SLC9B1: variants seen among roughly 807,000 people sequenced by gnomAD.
The protein encoded by SLC9B1 is solute carrier family 9 member B1.
SLC9B1 carries 32 observed loss-of-function variants against 51.7 expected under a neutral mutation model. The ratio of observed to expected loss-of-function variants is 0.62; its 90% CI spans 0.47 to 0.83. SLC9B1 has a LOEUF of 0.83. SLC9B1 is among the 40% of genes least tolerant of loss of function. SLC9B1 has a pLI of 0.00. For synonymous variants in SLC9B1, 145 were observed against 212.7 expected (o/e 0.68, Z 2.77); for missense variants, 406 against 613.2 (o/e 0.66, Z 3.57).
intron 1 of SLC9B1, among the ~76,000 whole-genome samples, chr4:103,000,364 C>T (rs940904137): frequency 1.3e-5 from 2 of 152,188 alleles, no homozygotes; most frequent in African/African-American, 4.8e-5. Flanking sequence ...TTTTCAAAAC[C>T]AATCATGCCT....
At chr4:102,905,783 T>G (rs780178633) in intron 10 of SLC9B1, 133 bp from the exon 11 acceptor site, 2 of 772,892 alleles carry the variant, frequency 2.6e-6, no homozygotes, top group Non-Finnish European at 4.2e-6. Flanking sequence ...ATTTTTTACA[T>G]AAAAACAATG....
At chr4:102,945,606 TAATA>T (rs1001743890) in intron 5 of SLC9B1, among the ~76,000 whole-genome samples, 8 of 152,106 alleles carry the variant, frequency 5.3e-5, no homozygotes, top group Non-Finnish European at 2.9e-5. Context: ...TGAACTTTCC[TAATA>T]AATAGTATAA....
chr4:103,014,137 T>C (rs1741207671), intron 1 of SLC9B1, among the ~76,000 whole-genome samples: 1 of 152,186 alleles, frequency 6.6e-6, no homozygotes, highest in South Asian at 2.1e-4. Context: ...CTGCCTACCT[T>C]CTCATTCATC....
chr4:102,995,711 A>T (rs930941963), intron 1 of SLC9B1, among the ~76,000 whole-genome samples: 1 of 152,178 alleles, frequency 6.6e-6, no homozygotes, highest in Non-Finnish European at 1.5e-5. Context: ...TTGAGTTGAG[A>T]AAGAAATGTA....
In SLC9B1 at chr4:102,992,849, A is replaced by G. The variant is rs191292424; in HGVS notation, c.-1-1137T>C. Among the ~76,000 whole-genome samples, 52 of 152,316 alleles carry G rather than the reference A, an allele frequency of 3.4e-4. 2 individuals carry two copies. The highest frequency in any genetic ancestry group is 3.2e-3 in the Admixed American group (49 of 15,290). On this transcript the variant is annotated intron_variant, in intron 1 of 11. Transcript: ENST00000296422. Reference sequence around the variant, plus strand: ...AGGTTGAATTGACTCACAGTTCCACATGGCTGGGGAGGCCACAGGAAACTT... The same window carrying G: ...AGGTTGAATTGACTCACAGTTCCACGTGGCTGGGGAGGCCACAGGAAACTT...
At chr4:102,930,281 T>C (rs983839991) in intron 7 of SLC9B1, among the ~76,000 whole-genome samples, 9 of 152,186 alleles carry the variant, frequency 5.9e-5, no homozygotes, top group African/African-American at 1.7e-4. Context: ...TGGTAGGACA[T>C]GATATTGTGG....
intron 1 of SLC9B1, among the ~76,000 whole-genome samples, chr4:103,012,756 T>G (rs1032198954): frequency 2.6e-5 from 4 of 152,192 alleles, no homozygotes; most frequent in Admixed American, 6.5e-5. Context: ...CAGTGTCTGG[T>G]GAGGTCTCTG....
At chr4:102,958,699 G>T (rs1428067681) in intron 3 of SLC9B1, among the ~76,000 whole-genome samples, 1 of 152,134 alleles carries the variant, frequency 6.6e-6, no homozygotes, top group Admixed American at 6.5e-5. Context: ...GTGGTGGGCG[G>T]ATCACAAGGT....
chr4:102,890,498 G>GGA (rs1003585512), intron 11 of SLC9B1: 10 of 152,090 alleles, frequency 6.6e-5, no homozygotes, highest in Non-Finnish European at 1.5e-4. Flanking sequence ...TAACCAATCT[G>GGA]GAGAGACCAG....
rs764629959 is a variant in SLC9B1, at chr4:102,910,478, C to T, written c.1047G>A (p.Val349=). The stretch of plus-strand genomic sequence containing the variant: ...ATTTTGTCCCTGCAATGAAACTCAA[C>T]ACTAGTGTGCATAATCCTCCAGATC... ...LHGSGGLCTL[V]LSFIAGTKWS... The change falls in exon 9 of 12, where the codon GTG becomes GTA. Residue 349 remains valine, a synonymous_variant. Coordinates refer to ENST00000296422, the MANE Select transcript of SLC9B1 (RefSeq NM_139173.4). The T allele has an allele frequency of 9.0e-6, 14 of 1,563,310 alleles. No individual in the cohort carries two copies. Among genetic ancestry groups the T allele is most frequent in the Non-Finnish European group, 1.2e-5 (14 of 1,160,758 alleles).
At chr4:102,926,124 AC>A (rs1295753384) in intron 7 of SLC9B1, among the ~76,000 whole-genome samples, 6 of 152,304 alleles carry the variant, frequency 3.9e-5, no homozygotes, top group Non-Finnish European at 8.8e-5. Context: ...TTTATGACAA[AC>A]CCACAGCCAA....
chr4:103,017,052 T>G (rs1257300373), intron 1 of SLC9B1: 1 of 152,112 alleles, frequency 6.6e-6, no homozygotes, highest in African/African-American at 2.4e-5. Context: ...GGCTGCTCCT[T>G]TTTCTTCCTT....
intron 7 of SLC9B1, among the ~76,000 whole-genome samples, chr4:102,922,243 T>C (rs1484770229): frequency 1.3e-5 from 2 of 152,110 alleles, no homozygotes; most frequent in Non-Finnish European, 2.9e-5. Context: ...AATTAGAACT[T>C]AGGATTAAGA....
At chr4:102,919,306 T>A (rs1328694030) in intron 7 of SLC9B1, among the ~76,000 whole-genome samples, 1 of 152,228 alleles carries the variant, frequency 6.6e-6, no homozygotes, top group Non-Finnish European at 1.5e-5. Context: ...TCTGTCTCCC[T>A]TTTAAACATA....
chr4:102,934,008 T>A (rs1736591534), intron 6 of SLC9B1, among the ~76,000 whole-genome samples: 1 of 152,190 alleles, frequency 6.6e-6, no homozygotes, highest in South Asian at 2.1e-4. Context: ...TGACTTCAAG[T>A]GATATGCCCA....
chr4:102,935,990 T>G (rs192356371), intron 6 of SLC9B1, among the ~76,000 whole-genome samples: 1 of 152,170 alleles, frequency 6.6e-6, no homozygotes, highest in Non-Finnish European at 1.5e-5. Context: ...CTTGCTACAA[T>G]CACTACAATG....
At chr4:102,917,824 C>T (rs1226364351) in intron 7 of SLC9B1, among the ~76,000 whole-genome samples, 1 of 152,044 alleles carries the variant, frequency 6.6e-6, no homozygotes, top group East Asian at 1.9e-4. Flanking sequence ...AATCCCAGCA[C>T]TTTGGGAGGC....
At chr4:102,961,577 C>A (rs1286890974) in intron 3 of SLC9B1, among the ~76,000 whole-genome samples, 2 of 151,110 alleles carry the variant, frequency 1.3e-5, no homozygotes, top group African/African-American at 4.9e-5. Context: ...TTATTTGGCT[C>A]TTTTCTTGTA....
At chr4:103,009,306 AAC>A (rs1312011688) in intron 1 of SLC9B1, among the ~76,000 whole-genome samples, 2 of 152,266 alleles carry the variant, frequency 1.3e-5, no homozygotes, top group Non-Finnish European at 2.9e-5. Context: ...AATGTTGTGC[AAC>A]AGTGACATCT....
Sources: gnomAD v4.1 joint callset for allele counts (sites outside exome capture counted in the v4.1 genomes callset) on GRCh38, gnomAD v4.1.1 for gene constraint, MANE v1.5 for transcripts, NCBI Gene and HGNC (gene_info 2026-07-23, HGNC 2026-07-21) for gene names.